A2M: variants seen among roughly 807,000 people sequenced by gnomAD.
A2M encodes alpha-2-macroglobulin.
A neutral mutation model predicts 183.9 loss-of-function variants in A2M; 128 were observed. That is an observed-to-expected ratio of 0.70 (90% confidence interval 0.60 to 0.81). The LOEUF (loss-of-function observed/expected upper bound fraction) is 0.81, where lower values mean the gene tolerates loss of function less well. A2M is among the 30% of genes least tolerant of loss of function. The probability of loss-of-function intolerance (pLI) is 0.00; values close to 1 mark genes in which losing one functional copy is unlikely to be tolerated. For missense variants in A2M, 1,495 were observed against 1,787.6 expected (o/e 0.84, Z 2.95); for synonymous variants, 592 against 670.8 (o/e 0.88, Z 1.81).
At chr12:9,078,277 T>C (rs947927930) in intron 25 of A2M, among the ~76,000 whole-genome samples, 4 of 101,034 alleles carry the variant, frequency 4.0e-5, no homozygotes, top group Admixed American at 9.1e-5. Flanking sequence ...CACTTATGAG[T>C]GAGAAATGTG....
rs748420614 is a variant in A2M at position 9,089,411 on chromosome 12, C to T, written c.2719-160G>A. Among the ~76,000 whole-genome samples, 3 of 152,120 alleles carry T rather than the reference C, an allele frequency of 2.0e-5. No homozygotes were observed. The South Asian group carries it at 6.2e-4, about 32-fold the overall frequency. On this transcript the variant is annotated intron_variant, in intron 21 of 35. Coordinates refer to ENST00000318602, the MANE Select transcript of A2M (RefSeq NM_000014.6). Reference sequence around the variant, plus strand: ...TAAGCAATATACGTAGGAGGTAGTTCGATGCATGAACAAATGAAGGAAAAA... The same window carrying T: ...TAAGCAATATACGTAGGAGGTAGTTTGATGCATGAACAAATGAAGGAAAAA...
In A2M at chr12:9,095,007, C is replaced by T. The variant is rs1361104916; in HGVS notation, c.2091G>A (p.Met697Ile). ...CTACACGTAGACCTTCAGGTCCATG[C>T]ATTTCATACTGTTGAAGCTGTGGAC... is the stretch of plus-strand genomic sequence containing the variant. ...KMCPQLQQYE[M>I]HGPEGLRVGF... The change falls in exon 17 of 36, where the codon ATG (methionine) becomes ATA (isoleucine). Residue 697 changes from methionine (M) to isoleucine (I), a missense_variant. Transcript: ENST00000318602. 24 of 1,589,960 alleles carry T rather than the reference C, an allele frequency of 1.5e-5. No homozygotes were observed. The highest frequency in any genetic ancestry group is 1.9e-5 in the Non-Finnish European group (22 of 1,166,776).
chr12:9,100,774 A>G (rs937634068), intron 13 of A2M, among the ~76,000 whole-genome samples: 1 of 152,228 alleles, frequency 6.6e-6, no homozygotes, highest in Non-Finnish European at 1.5e-5. Flanking sequence ...ACCAAACATC[A>G]TATCTTCTCA....
rs945946758 is a variant in A2M at position 9,074,863 on chromosome 12, G to A, written c.3533-80C>T. The A allele has an allele frequency of 5.0e-6, 7 of 1,394,740 alleles. No individual in the cohort carries two copies. In the African/African-American group the frequency reaches 8.7e-5, roughly 17 times the overall value. The allele number at this position is 1,394,740 out of a possible 1,614,324, so 86.4% of individuals were successfully genotyped here. A position where few individuals can be genotyped will look rare whatever the true frequency, so the allele number is the denominator to read the frequency against. ...AGGTGAAAGTACCCAAGCCAGTGCT[G>A]AAATGAGAATTGCATGCCCATTATA... On this transcript the variant is annotated intron_variant, in intron 28 of 35. Transcript: ENST00000318602.
intron 31 of A2M, among the ~76,000 whole-genome samples, chr12:9,071,628 G>C (rs1331286933): frequency 2.6e-5 from 4 of 152,000 alleles, no homozygotes; most frequent in Non-Finnish European, 4.4e-5. Flanking sequence ...GGTGTCTGTT[G>C]TTCTCCTTTT....
chr12:9,098,585 C>T (rs753066646), intron 15 of A2M, 22 bp downstream of exon 15: 15 of 1,580,422 alleles, frequency 9.5e-6, no homozygotes, highest in Non-Finnish European at 1.3e-5. Context: ...CTTCTTGATT[C>T]CTGAGGCTGC....
chr12:9,101,144 T>C lies in A2M; in HGVS notation c.1558A>G (p.Met520Val), dbSNP rs1156232629. The C allele has an allele frequency of 1.3e-6, 2 of 1,558,964 alleles. No homozygotes were observed. The highest frequency in any genetic ancestry group is 1.4e-5 in the African/African-American group (1 of 73,418). The change falls in exon 13 of 36, where the codon ATG (methionine) becomes GTG (valine). Residue 520 changes from methionine (M) to valine (V), a missense_variant and splice_region_variant. Physicochemically the swap from Met to Val is conservative, Grantham distance 21 (BLOSUM62 1). Transcript: ENST00000318602. ...ATGCAGAGATGATGGAAATACTCAC[T>C]GTCTTCCTGCTTCACAAGCAGTCCA... ...THGLLVKQED[M>V]KGHFSISIPV...
intron 22 of A2M, among the ~76,000 whole-genome samples, chr12:9,088,791 A>C (rs921865502): frequency 6.6e-6 from 1 of 152,248 alleles, no homozygotes; most frequent in Non-Finnish European, 1.5e-5. Context: ...CCTTTGGGAA[A>C]TAGCAATCCC....
intron 22 of A2M, 168 bp from the exon 23 acceptor site, chr12:9,080,345 TGGTTTCCTGTGATTTTCA>T (rs1002479633): frequency 2.5e-5 from 10 of 398,006 alleles, no homozygotes; most frequent in African/African-American, 2.1e-4. Flanking sequence ...AATGGGCTAC[TGGTTTCCTGTGATTTTCA>T]GAATTTCTTC....
intron 25 of A2M, among the ~76,000 whole-genome samples, chr12:9,078,869 T>G (rs1468339458): frequency 6.6e-6 from 1 of 152,200 alleles, no homozygotes. Flanking sequence ...TCATTCCAAG[T>G]CAAGCTGAAT....
intron 22 of A2M, among the ~76,000 whole-genome samples, chr12:9,082,551 C>G (rs908206992): frequency 7.2e-5 from 11 of 152,208 alleles, no homozygotes; most frequent in African/African-American, 2.4e-4. Flanking sequence ...GACTAAATAG[C>G]AAACCTTTAT....
At chr12:9,115,160 T>C (rs1939028137) in intron 1 of A2M, 1 of 152,410 alleles carries the variant, frequency 6.6e-6, no homozygotes, top group African/African-American at 2.4e-5. Context: ...AAAAATCACC[T>C]AGTACTCTAT....
intron 25 of A2M, among the ~76,000 whole-genome samples, chr12:9,078,443 ATGAGCATTTG>A (rs1948812708): frequency 6.6e-6 from 1 of 152,168 alleles, no homozygotes; most frequent in Non-Finnish European, 1.5e-5. Context: ...TCTGTCATTG[ATGAGCATTTG>A]GGTTAGTTCC....
chr12:9,077,236 A>T, intron 27 of A2M, 110 bp downstream of exon 27: 1 of 1,084,744 alleles, frequency 9.2e-7, no homozygotes, highest in Non-Finnish European at 1.3e-6. Context: ...GGCATTGCAT[A>T]GAAAGAAAGC....
Position 9,095,061 on chromosome 12 carries a change from G to C in A2M, c.2037C>G (p.Thr679=). 6.3e-7 allele frequency: 1 copy of C among 1,590,364 alleles called. No homozygotes were observed. The highest frequency in any genetic ancestry group is 8.6e-7 in the Non-Finnish European group (1 of 1,166,540). ...TTTTGGGTTTACGAATCTTTGAGTT[G>C]GTGAATGCCTTTAAGCCCATGTCCT... The part of the protein sequence containing the change: ...FLEDMGLKAF[T]NSKIRKPKMC... Residue 679 remains threonine (T), a synonymous_variant, in exon 17 of 36, where the codon ACC becomes ACG. Coordinates refer to ENST00000318602, the MANE Select transcript of A2M (RefSeq NM_000014.6).
chr12:9,095,405 G>A, intron 16 of A2M, 134 bp downstream of exon 16: 2 of 818,086 alleles, frequency 2.4e-6, no homozygotes, highest in Non-Finnish European at 3.7e-6. Flanking sequence ...GCTGCTATTA[G>A]TAGAGAAGCC....
At chr12:9,087,617 T>A (rs1481334445) in intron 22 of A2M, among the ~76,000 whole-genome samples, 1 of 152,118 alleles carries the variant, frequency 6.6e-6, no homozygotes. Context: ...TTAATAATAG[T>A]GTATTTTATG....
intron 10 of A2M, 80 bp downstream of exon 10, chr12:9,106,156 T>A (rs774424341): frequency 1.2e-6 from 1 of 800,102 alleles, no homozygotes; most frequent in South Asian, 1.9e-5. Context: ...TAACCAGGCA[T>A]GGTTTTAGCA....
At chr12:9,098,828 A>T (rs1949466848) in intron 14 of A2M, 72 bp from the exon 15 acceptor site, 3 of 1,537,784 alleles carry the variant, frequency 2.0e-6, no homozygotes, top group Non-Finnish European at 2.7e-6. Flanking sequence ...GCATTTGCAG[A>T]GTGTTCCTCA....
Sources: allele counts gnomAD v4.1 joint callset (sites outside exome capture counted in the v4.1 genomes callset), GRCh38; gene constraint gnomAD v4.1.1; transcripts MANE v1.5; gene names NCBI Gene and HGNC (gene_info 2026-07-23, HGNC 2026-07-21).